Variants in C2CD3 observed in about 807,000 individuals in gnomAD.
C2CD3 encodes the protein C2 domain containing 3 centriole elongation regulator.
C2CD3 carries 148 observed loss-of-function variants against 234.0 expected under a neutral mutation model. The observed-to-expected ratio is 0.63, with a 90% CI of 0.55 to 0.72. C2CD3 has a LOEUF of 0.72. C2CD3 is among the 30% of genes least tolerant of loss of function. The pLI is 0.00. For synonymous variants in C2CD3, 1,000 were observed against 1,035.4 expected, an observed-to-expected ratio of 0.97 and a Z score of 0.66; for missense variants, 2,577 against 2,811.5, an observed-to-expected ratio of 0.92 and a Z score of 1.89.
intron 32 of C2CD3, among the ~76,000 whole-genome samples, chr11:74,026,012 C>T (rs115963362): frequency 0.011 from 1,734 of 152,080 alleles, 31 homozygotes; most frequent in African/African-American, 0.04. Context: ...GACCACAAAC[C>T]GGAGTAGTAA....
At chr11:74,124,856 T>C in intron 7 of C2CD3, among the ~76,000 whole-genome samples, 1 of 152,256 alleles carries the variant, frequency 6.6e-6, no homozygotes. Context: ...TTAAAAGTTA[T>C]GAAGACTTTT....
chr11:74,107,614 TTAAA>T (rs1175504499), intron 12 of C2CD3, among the ~76,000 whole-genome samples: 10 of 151,982 alleles, frequency 6.6e-5, no homozygotes, highest in Non-Finnish European at 1.2e-4. Context: ...GTGAAAAACA[TTAAA>T]TAGATATTTT....
At chr11:74,063,160 C>A (rs147929388) in intron 24 of C2CD3, among the ~76,000 whole-genome samples, 3,159 of 152,216 alleles carry the variant, frequency 0.021, 50 homozygotes, top group Non-Finnish European at 0.025. Flanking sequence ...CCAAAAACAT[C>A]CAGGACCAGA....
chr11:74,097,893 T>C (rs1956168547), intron 16 of C2CD3, 116 bp downstream of exon 16: 1 of 1,011,160 alleles, frequency 9.9e-7, no homozygotes, highest in South Asian at 1.6e-5. Context: ...GGAGTGCACA[T>C]TATGTTCTTT....
intron 13 of C2CD3, among the ~76,000 whole-genome samples, chr11:74,104,790 G>A (rs1428959830): frequency 2.0e-5 from 3 of 152,008 alleles, no homozygotes; most frequent in Non-Finnish European, 4.4e-5. Context: ...ACATAGCAAG[G>A]TTCTTTTACT....
At chr11:74,140,350 T>C (rs1267992978) in intron 3 of C2CD3, among the ~76,000 whole-genome samples, 1 of 152,230 alleles carries the variant, frequency 6.6e-6, no homozygotes, top group African/African-American at 2.4e-5. Flanking sequence ...TCCCCCAGTA[T>C]TCCTTCTTTA....
Position 74,103,404 on chromosome 11 carries a change from C to G in C2CD3, c.2307G>C (p.Lys769Asn). The G allele has an allele frequency of 6.2e-7, 1 of 1,614,170 alleles. No homozygotes were observed. Among genetic ancestry groups the G allele is most frequent in the African/African-American group, 1.3e-5 (1 of 75,044 alleles). Reference protein sequence around the residue: ...KAQNLVLPNRKSPSPVAPHPS... With the variant: ...KAQNLVLPNRNSPSPVAPHPS... ...GATGTGGTGCTACAGGGCTTGGTGA[C>G]TTTCGGTTGGGGAGCACCAAGTTCT... is the stretch of plus-strand genomic sequence containing the variant. The change falls in exon 14 of 33, where the codon AAG (lysine) becomes AAC (asparagine). Residue 769 changes from lysine to asparagine, a missense_variant. Physicochemically the swap from Lys to Asn is moderately conservative, Grantham distance 94. Coordinates refer to ENST00000334126, the MANE Select transcript of C2CD3 (RefSeq NM_001286577.2).
At chr11:74,134,737 T>C (rs1565333294) in intron 5 of C2CD3, among the ~76,000 whole-genome samples, 1 of 152,184 alleles carries the variant, frequency 6.6e-6, no homozygotes, top group Non-Finnish European at 1.5e-5. Context: ...ATTATTTACA[T>C]ATGTTTAGAG....
At chr11:74,085,006 G>GAATA in intron 21 of C2CD3, 36 bp from the exon 22 acceptor site, 2 of 1,222,908 alleles carry the variant, frequency 1.6e-6, no homozygotes, top group South Asian at 1.2e-5. Context: ...ATTATTTGAT[G>GAATA]GTCTATTCAT....
intron 21 of C2CD3, 78 bp downstream of exon 21, chr11:74,085,540 G>T: frequency 7.1e-7 from 1 of 1,414,092 alleles, no homozygotes; most frequent in Non-Finnish European, 9.8e-7. Flanking sequence ...ACTGCAGTAT[G>T]TATCTCCTAG....
chr11:74,110,040 C>T (rs1461021572), intron 11 of C2CD3, among the ~76,000 whole-genome samples: 2 of 151,540 alleles, frequency 1.3e-5, no homozygotes, highest in Non-Finnish European at 2.9e-5. Flanking sequence ...TAGAGCACAC[C>T]ACTGCACTCC....
intron 3 of C2CD3, among the ~76,000 whole-genome samples, chr11:74,147,077 T>TAAAAC: frequency 6.6e-6 from 1 of 151,358 alleles, no homozygotes; most frequent in South Asian, 2.1e-4. Context: ...TAAAATAAAA[T>TAAAAC]AAAATGAAAT....
At chr11:74,063,410 C>T (rs1470720444) in intron 24 of C2CD3, among the ~76,000 whole-genome samples, 1 of 148,616 alleles carries the variant, frequency 6.7e-6, no homozygotes, top group African/African-American at 2.4e-5. Flanking sequence ...TCCAGCAGCA[C>T]ATCAAAAAGC....
chr11:74,163,804 T>C (rs912332304), intron 2 of C2CD3, among the ~76,000 whole-genome samples: 5 of 152,334 alleles, frequency 3.3e-5, no homozygotes, highest in Admixed American at 3.3e-4. Flanking sequence ...GAAAGTCATA[T>C]GAGCAAATAG....
At chr11:74,022,270 A>AGG (rs1002188654) in intron 32 of C2CD3, among the ~76,000 whole-genome samples, 3 of 152,160 alleles carry the variant, frequency 2.0e-5, no homozygotes, top group African/African-American at 7.2e-5. Context: ...ATAAAGGAGC[A>AGG]GGGGTGAGAG....
rs770654962 is a variant in C2CD3 at position 74,093,906 on chromosome 11, G to T, written c.3254C>A (p.Ala1085Asp). ...TAGGAGCCTTTGCACTGGAACCTCA[G>T]CTGGCAACAGGAGAGAGTGATGGTG... ...SEHHHSLLLP[A>D]EVPVQRLLLS... The change falls in exon 18 of 33, where the codon GCT becomes GAT. Residue 1085 changes from alanine (A) to aspartate (D), a missense_variant. Physicochemically the swap from Ala to Asp is moderately radical, Grantham distance 126. Coordinates refer to ENST00000334126, the MANE Select transcript of C2CD3 (RefSeq NM_001286577.2). The T allele has an allele frequency of 2.5e-6, 4 of 1,613,994 alleles. No individual in the cohort carries two copies. Among genetic ancestry groups the T allele is most frequent in the Non-Finnish European group, 3.4e-6 (4 of 1,179,852 alleles).
chr11:74,029,001 G>A (rs1952417104), intron 31 of C2CD3, among the ~76,000 whole-genome samples: 1 of 152,236 alleles, frequency 6.6e-6, no homozygotes, highest in South Asian at 2.1e-4. Flanking sequence ...AGAAATGAGA[G>A]CTCTGCATCA....
chr11:74,062,130 C>T (rs577453961), intron 24 of C2CD3, among the ~76,000 whole-genome samples: 2 of 152,208 alleles, frequency 1.3e-5, no homozygotes, highest in African/African-American at 4.8e-5. Flanking sequence ...AAAGCAAGTC[C>T]TTAGAGATCT....
chr11:74,163,178 G>A (rs1332093572), intron 2 of C2CD3, among the ~76,000 whole-genome samples: 6 of 152,162 alleles, frequency 3.9e-5, no homozygotes, highest in Non-Finnish European at 4.4e-5. Context: ...TAGAAGACTT[G>A]TGATTGTGTT....
Sources: gnomAD v4.1 joint callset for allele counts (sites outside exome capture counted in the v4.1 genomes callset) on GRCh38, gnomAD v4.1.1 for gene constraint, MANE v1.5 for transcripts, NCBI Gene and HGNC (gene_info 2026-07-23, HGNC 2026-07-21) for gene names.